The following KCNC2 variants were observed in gnomAD, a reference collection of about 807,000 sequenced individuals.
KCNC2 encodes potassium voltage-gated channel subfamily C member 2.
In KCNC2, 21 loss-of-function variants were observed where a neutral mutation model predicts 44.5. That is an observed-to-expected ratio of 0.47 (90% confidence interval 0.33 to 0.68). The LOEUF is 0.68. KCNC2 is among the 30% of genes least tolerant of loss of function. The probability of loss-of-function intolerance (pLI) is 0.01; values close to 1 mark genes in which losing one functional copy is unlikely to be tolerated. For synonymous variants in KCNC2, 391 were observed against 339.1 expected, an observed-to-expected ratio of 1.15 and a Z score of -1.68; for missense variants, 589 against 826.2, an observed-to-expected ratio of 0.71 and a Z score of 3.52.
At chr12:75,047,282 G>T (rs1433871246) in intron 4 of KCNC2, among the ~76,000 whole-genome samples, 1 of 151,928 alleles carries the variant, frequency 6.6e-6, no homozygotes, top group East Asian at 1.9e-4. Context: ...GGGAGGAAAA[G>T]ATCCCAATTG....
At chr12:75,128,052 A>G (rs536752004) in intron 2 of KCNC2, among the ~76,000 whole-genome samples, 1 of 152,178 alleles carries the variant, frequency 6.6e-6, no homozygotes, top group Non-Finnish European at 1.5e-5. Context: ...TAATCACAAA[A>G]TTATACAATG....
intron 2 of KCNC2, among the ~76,000 whole-genome samples, chr12:75,138,747 G>C (rs547699862): frequency 6.6e-6 from 1 of 151,998 alleles, no homozygotes; most frequent in Non-Finnish European, 1.5e-5. Flanking sequence ...GTGGGAGGCC[G>C]AGGCGGTCAG....
intron 2 of KCNC2, among the ~76,000 whole-genome samples, chr12:75,162,331 C>CT (rs1295294577): frequency 2.6e-4 from 39 of 151,800 alleles, no homozygotes; most frequent in African/African-American, 9.2e-4. Flanking sequence ...TCAAGGTCTG[C>CT]TTTTTAAGTG....
chr12:75,097,182 T>A (rs1344354042), intron 2 of KCNC2, among the ~76,000 whole-genome samples: 1 of 152,074 alleles, frequency 6.6e-6, no homozygotes, highest in Non-Finnish European at 1.5e-5. Context: ...CCTAACCATA[T>A]GAAGTCATGG....
chr12:75,154,407 T>C (rs1164850719), intron 2 of KCNC2, among the ~76,000 whole-genome samples: 11 of 152,038 alleles, frequency 7.2e-5, no homozygotes, highest in Non-Finnish European at 1.5e-5. Context: ...TTTCCAGGGA[T>C]CATCACACCT....
At chr12:75,113,559 C>A (rs1887416100) in intron 2 of KCNC2, among the ~76,000 whole-genome samples, 1 of 152,096 alleles carries the variant, frequency 6.6e-6, no homozygotes, top group Non-Finnish European at 1.5e-5. Context: ...AGAATTCTGG[C>A]CTGTTAACAT....
At chr12:75,110,510 C>T (rs996537110) in intron 2 of KCNC2, among the ~76,000 whole-genome samples, 9 of 152,024 alleles carry the variant, frequency 5.9e-5, no homozygotes, top group Non-Finnish European at 1.3e-4. Context: ...CATGTTTCCA[C>T]CTAAGAAAAG....
At chr12:75,079,360 C>T (rs532202981) in intron 2 of KCNC2, among the ~76,000 whole-genome samples, 2 of 151,976 alleles carry the variant, frequency 1.3e-5, no homozygotes, top group Admixed American at 6.6e-5. Flanking sequence ...ATAGAGACTA[C>T]ATGTAAAATT....
At chr12:75,185,832 G>C (rs1006297644) in intron 2 of KCNC2, among the ~76,000 whole-genome samples, 2 of 151,992 alleles carry the variant, frequency 1.3e-5, no homozygotes, top group Non-Finnish European at 2.9e-5. Flanking sequence ...GATCACCTGA[G>C]GTCAGGAGTT....
chr12:75,154,574 A>G (rs1890629673), intron 2 of KCNC2, among the ~76,000 whole-genome samples: 1 of 152,046 alleles, frequency 6.6e-6, no homozygotes, highest in Non-Finnish European at 1.5e-5. Context: ...GCTACAATAA[A>G]TCAGACTGAC....
chr12:75,182,529 AAAAAAAAAC>A (rs1274120447), intron 2 of KCNC2, among the ~76,000 whole-genome samples: 117 of 138,424 alleles, frequency 8.5e-4, no homozygotes, highest in South Asian at 1.6e-3. Context: ...TCAAAAAAAA[AAAAAAAAAC>A]AAAAAAAACA....
At chr12:75,146,166 G>C (rs1890014190) in intron 2 of KCNC2, among the ~76,000 whole-genome samples, 1 of 152,078 alleles carries the variant, frequency 6.6e-6, no homozygotes, top group Non-Finnish European at 1.5e-5. Flanking sequence ...GTGTGAGCCA[G>C]GATGGTCTCG....
At chr12:75,110,998 C>T (rs1392396761) in intron 2 of KCNC2, among the ~76,000 whole-genome samples, 2 of 151,980 alleles carry the variant, frequency 1.3e-5, no homozygotes, top group Admixed American at 6.6e-5. Context: ...AGACTATATA[C>T]AATTTTATGG....
At chr12:75,203,116 A>T (rs1040366352) in intron 2 of KCNC2, among the ~76,000 whole-genome samples, 1 of 151,784 alleles carries the variant, frequency 6.6e-6, no homozygotes, top group African/African-American at 2.4e-5. Context: ...ACAAAACAAG[A>T]CTTAATACAT....
At chr12:75,208,390 ACT>A (rs2031883379) in intron 1 of KCNC2, among the ~76,000 whole-genome samples, 2 of 100,388 alleles carry the variant, frequency 2.0e-5, no homozygotes, top group South Asian at 6.4e-4. Context: ...CCCCAAACAC[ACT>A]CTCTCTCCCT....
intron 2 of KCNC2, among the ~76,000 whole-genome samples, chr12:75,061,611 A>ATG: frequency 8.0e-6 from 1 of 125,652 alleles, no homozygotes; most frequent in South Asian, 2.5e-4. Flanking sequence ...ACACACACAC[A>ATG]CAAAACACAG....
intron 2 of KCNC2, among the ~76,000 whole-genome samples, chr12:75,144,301 C>T (rs149619531): frequency 7.2e-5 from 11 of 152,246 alleles, no homozygotes; most frequent in African/African-American, 2.2e-4. Flanking sequence ...AAATGCAACA[C>T]GGTAGGCTTA....
intron 2 of KCNC2, among the ~76,000 whole-genome samples, chr12:75,137,443 A>T (rs1346724554): frequency 6.6e-6 from 1 of 152,164 alleles, no homozygotes; most frequent in Non-Finnish European, 1.5e-5. Context: ...TTGTGTTTTC[A>T]TCTGTCATAT....
chr12:75,193,299 G>C (rs563175158), intron 2 of KCNC2, among the ~76,000 whole-genome samples: 1 of 152,118 alleles, frequency 6.6e-6, no homozygotes. Context: ...AAAGCAAATA[G>C]GATGAAAATA....
Sources: allele counts gnomAD v4.1 joint callset (sites outside exome capture counted in the v4.1 genomes callset), GRCh38; gene constraint gnomAD v4.1.1; transcripts MANE v1.5; gene names NCBI Gene and HGNC (gene_info 2026-07-23, HGNC 2026-07-21).